MINK1: variants seen among roughly 807,000 people sequenced by gnomAD.
The protein encoded by MINK1 is misshapen like kinase 1.
MINK1 carries 46 observed loss-of-function variants against 178.4 expected under a neutral mutation model. The ratio of observed to expected loss-of-function variants is 0.26; its 90% CI spans 0.20 to 0.33. The LOEUF (loss-of-function observed/expected upper bound fraction) is 0.33, where lower values mean the gene tolerates loss of function less well. Among genes scored for constraint, MINK1 ranks in the 10% least tolerant of loss-of-function variants. The pLI is 1.00. For missense variants in MINK1, 1,366 were observed against 1,814.9 expected, an observed-to-expected ratio of 0.75 and a Z score of 4.49; for synonymous variants, 797 against 709.7, an observed-to-expected ratio of 1.12 and a Z score of -1.96.
chr17:4,847,986 A>C (rs891901764), intron 1 of MINK1, among the ~76,000 whole-genome samples: 2 of 152,166 alleles, frequency 1.3e-5, no homozygotes, highest in African/African-American at 4.8e-5. Flanking sequence ...GCTTGAGACC[A>C]GCCTGGGCAA....
chr17:4,892,957 C>G (rs1024125181), intron 19 of MINK1, 22 bp from the exon 20 acceptor site: 1 of 1,543,762 alleles, frequency 6.5e-7, no homozygotes, highest in East Asian at 2.4e-5. Flanking sequence ...CATCAGTGAC[C>G]TTCTTCCACC....
intron 12 of MINK1, among the ~76,000 whole-genome samples, chr17:4,888,257 CCTG>C (rs1413567899): frequency 6.6e-6 from 1 of 151,980 alleles, no homozygotes; most frequent in Admixed American, 6.6e-5. Flanking sequence ...ACACTGTCCA[CCTG>C]CTACCTCCAA....
At chr17:4,866,525 G>C (rs75373838) in intron 1 of MINK1, among the ~76,000 whole-genome samples, 1 of 151,754 alleles carries the variant, frequency 6.6e-6, no homozygotes, top group African/African-American at 2.4e-5. Context: ...GAAGTTAAGT[G>C]GTCCTTGAAC....
chr17:4,897,370 T>G lies in MINK1; in HGVS notation c.*83T>G, dbSNP rs901702640. 1.5e-6 allele frequency: 2 copies of G among 1,304,024 alleles called. No individual in the cohort carries two copies. The highest frequency in any genetic ancestry group is 2.9e-5 in the African/African-American group (2 of 68,104). The allele number at this position is 1,304,024 out of a possible 1,614,324, so 80.8% of individuals were successfully genotyped here. On this transcript the variant is annotated 3_prime_UTR_variant, in exon 32 of 32. Coordinates refer to ENST00000355280, the MANE Select transcript of MINK1 (RefSeq NM_153827.5). ...CTTCCCGGGCCGCCCCTCTTTCCCC[T>G]CCCTGGGCTTTTGCTTTTACTGGTT... is the stretch of plus-strand genomic sequence containing the variant.
intron 16 of MINK1, 35 bp downstream of exon 16, chr17:4,891,751 A>G: frequency 6.4e-7 from 1 of 1,571,650 alleles, no homozygotes; most frequent in Non-Finnish European, 8.6e-7. Context: ...GGAAAAGCAG[A>G]GAGCTAGTCA....
chr17:4,842,691 A>G (rs1471038378), intron 1 of MINK1, among the ~76,000 whole-genome samples: 2 of 152,246 alleles, frequency 1.3e-5, no homozygotes, highest in Admixed American at 1.3e-4. Flanking sequence ...GACTCAGGAA[A>G]GAGTCTTCAA....
intron 1 of MINK1, among the ~76,000 whole-genome samples, chr17:4,870,183 A>G (rs1490599081): frequency 6.8e-6 from 1 of 146,514 alleles, no homozygotes; most frequent in Non-Finnish European, 1.5e-5. Context: ...AAGTGCTGGG[A>G]TTACAGGCAT....
At chr17:4,860,877 T>C in intron 1 of MINK1, 2 of 485,384 alleles carry the variant, frequency 4.1e-6, no homozygotes, top group South Asian at 3.0e-5. Flanking sequence ...CGGGAAGCTT[T>C]TGAAGCTGGG....
intron 1 of MINK1, among the ~76,000 whole-genome samples, chr17:4,863,825 T>C (rs1048601398): frequency 6.6e-6 from 1 of 152,086 alleles, no homozygotes; most frequent in Admixed American, 6.6e-5. Flanking sequence ...AGTCTCACTC[T>C]GTCACCCAGG....
intron 1 of MINK1, among the ~76,000 whole-genome samples, chr17:4,860,976 CT>C (rs758057002): frequency 8.5e-5 from 13 of 152,198 alleles, no homozygotes; most frequent in Non-Finnish European, 5.9e-5. Context: ...CCTTGCCTGC[CT>C]CAGGCCACCA....
chr17:4,896,824 C>T lies in MINK1; in HGVS notation c.3915+11C>T, dbSNP rs374141279. The T allele has an allele frequency of 1.2e-5, 18 of 1,547,272 alleles. No individual in the cohort carries two copies. Among genetic ancestry groups the T allele is most frequent in the South Asian group, 1.1e-4 (9 of 79,396 alleles). On this transcript the variant is annotated intron_variant, in intron 31 of 31. Coordinates refer to ENST00000355280, the MANE Select transcript of MINK1 (RefSeq NM_153827.5). The surrounding 1 kb of genome is among the most constrained non-coding windows in gnomAD (Gnocchi z 4.6). ...GAGCGGAATGACAAGGTGGGAGGCT[C>T]CTTCCCTCTGAAAGCCCTGCTGTCC...
intron 1 of MINK1, among the ~76,000 whole-genome samples, chr17:4,865,436 A>AAAATAAAT (rs542000888): frequency 6.6e-6 from 1 of 151,932 alleles, no homozygotes; most frequent in East Asian, 1.9e-4. Context: ...ACTGTCTCAA[A>AAAATAAAT]AAATAAATAA....
At position 4,892,149 on chromosome 17, in the gene MINK1, G is replaced by A. The variant is rs748960790; in HGVS notation, c.2002G>A (p.Val668Met). 1.9e-6 allele frequency: 3 copies of A among 1,593,344 alleles called. No individual in the cohort carries two copies. Among genetic ancestry groups the A allele is most frequent in the South Asian group, 1.1e-5 (1 of 87,874 alleles). ...VRPDNEAPPK[V>M]PQRTSSIATA... ...GCAGCACGTGGACTTCTCTCCACAG[G>A]TGCCTCAGAGGACCTCATCTATCGC... Residue 668 changes from valine (V) to methionine (M), a missense_variant and splice_region_variant, in exon 17 of 32, where the codon GTG (valine) becomes ATG (methionine). By Grantham distance (21) the Val-to-Met change is conservative. This residue lies in a region of MINK1 where 709 missense variants were observed against 692.3 expected (regional missense o/e 1.02). Transcript: ENST00000355280.
chr17:4,887,016 C>A lies in MINK1; in HGVS notation c.950-94C>A. ...GGTGGGGCCCCTCATGCTTGCCCAG[C>A]CAGAGAGACCTGGTTATCCCCACCC... is the stretch of plus-strand genomic sequence containing the variant. On this transcript the variant is annotated intron_variant, in intron 10 of 31. Transcript: ENST00000355280. The surrounding 1 kb of genome is among the most constrained non-coding windows in gnomAD (Gnocchi z 7.6). 1.5e-6 allele frequency: 2 copies of A among 1,353,528 alleles called. No individual in the cohort carries two copies. The highest frequency in any genetic ancestry group is 1.8e-4 in the Middle Eastern group (1 of 5,468). 83.8% of individuals were successfully genotyped at this position (1,353,528 alleles called of 1,614,324 possible).
At chr17:4,839,938 AATGTGTGTGTGTGTGTGTGTGT>A (rs1190029726) in intron 1 of MINK1, among the ~76,000 whole-genome samples, 1 of 102,288 alleles carries the variant, frequency 9.8e-6, no homozygotes, top group Admixed American at 1.2e-4. Flanking sequence ...ATTATTTATT[AATGTGTGTGTGTGTGTGTGTGT>A]GTGTGTGTGT....
intron 1 of MINK1, among the ~76,000 whole-genome samples, chr17:4,860,345 A>G (rs770770669): frequency 6.6e-6 from 1 of 151,978 alleles, no homozygotes; most frequent in Non-Finnish European, 1.5e-5. Flanking sequence ...CGGGGGTTTC[A>G]CCTTCTCTCC....
Position 4,889,630 on chromosome 17 carries a change from C to T in MINK1, c.1231-17C>T. The T allele has an allele frequency of 6.4e-7, 1 of 1,567,800 alleles. No individual in the cohort carries two copies. Among genetic ancestry groups the T allele is most frequent in the Non-Finnish European group, 8.6e-7 (1 of 1,156,960 alleles). On this transcript the variant is annotated splice_polypyrimidine_tract_variant and intron_variant, in intron 12 of 31. Coordinates refer to ENST00000355280, the MANE Select transcript of MINK1 (RefSeq NM_153827.5). ...ATGTCCGGTATGGTTCTTAAGACCA[C>T]CTGGCTCTCCCCACAGCAACAGCGG...
At chr17:4,884,842 C>A in intron 5 of MINK1, 70 bp from the exon 6 acceptor site, 1 of 1,372,512 alleles carries the variant, frequency 7.3e-7, no homozygotes, top group Non-Finnish European at 1.0e-6. Flanking sequence ...GTCCCCTCAA[C>A]TCACTCCCCA....
At position 4,891,671 on chromosome 17, in the gene MINK1, G is replaced by A. The variant is rs375523529; in HGVS notation, c.1956G>A (p.Pro652=). ...CCTCTGAAGGACCTGGCCCCAGCCC[G>A]AATCCCCCAGCCTGGGTCCGCCCAG... is the stretch of plus-strand genomic sequence containing the variant. ...DPTSEGPGPS[P]NPPAWVRPDN... Residue 652 remains proline, a synonymous_variant, in exon 16 of 32, where the codon CCG becomes CCA. Transcript: ENST00000355280. 129 of 1,600,360 alleles carry A rather than the reference G, an allele frequency of 8.1e-5. No homozygotes were observed. The highest frequency in any genetic ancestry group is 7.2e-4 in the East Asian group (32 of 44,322).
Sources: gnomAD v4.1 joint callset for allele counts (sites outside exome capture counted in the v4.1 genomes callset) on GRCh38, gnomAD v4.1.1 for gene constraint, gnomAD v4.1.1 regional missense constraint, Gnocchi (gnomAD v3.1) non-coding constraint, MANE v1.5 for transcripts, NCBI Gene and HGNC (gene_info 2026-07-23, HGNC 2026-07-21) for gene names.